CAMK2D: variants seen among roughly 807,000 people sequenced by gnomAD.
CAMK2D encodes the protein calcium/calmodulin-dependent protein kinase type II subunit delta.
A neutral mutation model predicts 84.0 loss-of-function variants in CAMK2D; 37 were observed. The observed-to-expected ratio is 0.44, with a 90% CI of 0.34 to 0.58. The LOEUF (loss-of-function observed/expected upper bound fraction) is 0.58, where lower values mean the gene tolerates loss of function less well. Ranked by LOEUF, CAMK2D falls within the 20% of genes least tolerant of loss-of-function variation. The pLI is 0.02. For missense variants in CAMK2D, 448 were observed against 652.5 expected, an observed-to-expected ratio of 0.69 and a Z score of 3.41; for synonymous variants, 202 against 212.5, an observed-to-expected ratio of 0.95 and a Z score of 0.43.
chr4:113,669,294 T>A (rs2099270115), intron 2 of CAMK2D, among the ~76,000 whole-genome samples: 1 of 152,222 alleles, frequency 6.6e-6, no homozygotes, highest in African/African-American at 2.4e-5. Context: ...ATATAAACTA[T>A]CTACATAGCT....
At chr4:113,667,375 C>A (rs1039212462) in intron 2 of CAMK2D, among the ~76,000 whole-genome samples, 3 of 152,068 alleles carry the variant, frequency 2.0e-5, no homozygotes, top group Non-Finnish European at 4.4e-5. Flanking sequence ...AAAACAAAAG[C>A]TTAAAAATAT....
intron 17 of CAMK2D, among the ~76,000 whole-genome samples, chr4:113,463,646 G>A (rs1361072680): frequency 6.6e-6 from 1 of 152,180 alleles, no homozygotes; most frequent in Non-Finnish European, 1.5e-5. Context: ...AAAGCGCTAG[G>A]ATTACAGGCG....
chr4:113,618,132 A>T (rs1189784505), intron 3 of CAMK2D, among the ~76,000 whole-genome samples: 1 of 152,204 alleles, frequency 6.6e-6, no homozygotes, highest in Non-Finnish European at 1.5e-5. Flanking sequence ...TATAGGAAAT[A>T]AACAATACAG....
intron 3 of CAMK2D, among the ~76,000 whole-genome samples, chr4:113,642,038 TAAAC>T (rs2154295099): frequency 6.6e-6 from 1 of 151,684 alleles, no homozygotes; most frequent in South Asian, 2.1e-4. Context: ...TAAAAAATAA[TAAAC>T]AATAAATAAA....
chr4:113,477,544 G>A (rs1260497819), intron 16 of CAMK2D, among the ~76,000 whole-genome samples: 1 of 151,820 alleles, frequency 6.6e-6, no homozygotes, highest in Non-Finnish European at 1.5e-5. Context: ...TCAGGAGTTC[G>A]AGACCAGCCT....
At chr4:113,712,168 G>A (rs1477793815) in intron 2 of CAMK2D, among the ~76,000 whole-genome samples, 1 of 152,164 alleles carries the variant, frequency 6.6e-6, no homozygotes, top group Non-Finnish European at 1.5e-5. Flanking sequence ...TTTCAAGTAT[G>A]TGAATGTATC....
At chr4:113,543,210 G>A (rs886347423) in intron 6 of CAMK2D, among the ~76,000 whole-genome samples, 8 of 152,108 alleles carry the variant, frequency 5.3e-5, no homozygotes, top group Admixed American at 2.6e-4. Flanking sequence ...TCTTAAATGA[G>A]AAAATATATC....
chr4:113,530,732 A>T (rs1336079083), intron 8 of CAMK2D, among the ~76,000 whole-genome samples: 2 of 152,188 alleles, frequency 1.3e-5, no homozygotes, highest in Non-Finnish European at 2.9e-5. Context: ...GGCCCTCACC[A>T]GACACCGAAT....
intron 2 of CAMK2D, chr4:113,754,015 C>T (rs1034763379): frequency 5.3e-6 from 5 of 939,552 alleles, no homozygotes; most frequent in East Asian, 1.2e-4. Flanking sequence ...ACACTGTCCA[C>T]TGAAATCATT....
At chr4:113,601,139 A>G (rs576248806) in intron 4 of CAMK2D, among the ~76,000 whole-genome samples, 16 of 152,184 alleles carry the variant, frequency 1.1e-4, no homozygotes, top group Admixed American at 5.2e-4. Flanking sequence ...ACAAGTTTAT[A>G]TCTTATCCCA....
intron 12 of CAMK2D, among the ~76,000 whole-genome samples, chr4:113,512,184 C>T (rs993544394): frequency 6.6e-6 from 1 of 152,154 alleles, no homozygotes; most frequent in Non-Finnish European, 1.5e-5. Context: ...CTGCTCCAGT[C>T]CTTCCCCCTA....
intron 2 of CAMK2D, among the ~76,000 whole-genome samples, chr4:113,720,796 T>A (rs1045539785): frequency 1.3e-5 from 2 of 152,096 alleles, no homozygotes; most frequent in Non-Finnish European, 2.9e-5. Context: ...ATATTCTCAA[T>A]ATGAAATTCT....
intron 2 of CAMK2D, among the ~76,000 whole-genome samples, chr4:113,732,392 G>T (rs2099571128): frequency 6.6e-6 from 1 of 152,070 alleles, no homozygotes; most frequent in Non-Finnish European, 1.5e-5. Context: ...CAAAATGCTG[G>T]AATTACAGGT....
At chr4:113,720,543 G>C (rs17448108) in intron 2 of CAMK2D, among the ~76,000 whole-genome samples, 51,498 of 151,654 alleles carry the variant, frequency 0.34, 10,291 homozygotes, top group Admixed American at 0.49. Flanking sequence ...TCTGATATTG[G>C]CCATCTATAA....
chr4:113,467,226 T>C (rs546155632), intron 16 of CAMK2D, among the ~76,000 whole-genome samples: 2 of 152,338 alleles, frequency 1.3e-5, no homozygotes, highest in East Asian at 1.9e-4. Context: ...AGTGAGGCTA[T>C]TGATCACGAA....
At chr4:113,737,417 A>C (rs181334834) in intron 2 of CAMK2D, among the ~76,000 whole-genome samples, 3 of 152,304 alleles carry the variant, frequency 2.0e-5, no homozygotes. Context: ...GCTTCCACCT[A>C]CATGAGGTAC....
chr4:113,534,105 C>G (rs1366810893), intron 7 of CAMK2D, among the ~76,000 whole-genome samples: 2 of 152,006 alleles, frequency 1.3e-5, no homozygotes, highest in East Asian at 3.8e-4. Context: ...AAAGCTTTTC[C>G]TCCATAAACA....
intron 7 of CAMK2D, among the ~76,000 whole-genome samples, chr4:113,531,997 C>T (rs1424815271): frequency 6.6e-6 from 1 of 151,936 alleles, no homozygotes; most frequent in African/African-American, 2.4e-5. Context: ...AAATAACTAT[C>T]CTCATTTGGA....
intron 3 of CAMK2D, among the ~76,000 whole-genome samples, chr4:113,636,389 C>T (rs1164116098): frequency 2.6e-5 from 4 of 152,238 alleles, no homozygotes; most frequent in Non-Finnish European, 5.9e-5. Flanking sequence ...CCAGCCTCTG[C>T]TTTGGCCCTT....
Sources: allele counts gnomAD v4.1 joint callset (sites outside exome capture counted in the v4.1 genomes callset), GRCh38; gene constraint gnomAD v4.1.1; transcripts MANE v1.5; gene names NCBI Gene and HGNC (gene_info 2026-07-23, HGNC 2026-07-21).